The following DDHD2 variants were observed in gnomAD, a reference collection of about 807,000 sequenced individuals.
DDHD2 encodes DDHD domain containing 2, also known as triacylglycerol hydrolase DDHD2.
Under a neutral mutation model 91.2 loss-of-function variants are expected in DDHD2, and 62 were observed. The ratio of observed to expected loss-of-function variants is 0.68; its 90% CI spans 0.55 to 0.84. The LOEUF is 0.84. DDHD2 is among the 40% of genes least tolerant of loss of function. DDHD2 has a pLI of 0.00. For synonymous variants in DDHD2, 271 were observed against 293.9 expected (o/e 0.92, Z 0.80); for missense variants, 740 against 846.9 (o/e 0.87, Z 1.57).
intron 1 of DDHD2, 111 bp from the exon 2 acceptor site, chr8:38,232,876 G>T: frequency 1.5e-6 from 1 of 663,082 alleles, no homozygotes; most frequent in Non-Finnish European, 2.6e-6. Context: ...AGATTTTGTT[G>T]TTGTTGTTGT....
rs1432676143 is a variant in DDHD2 at position 38,252,292 on chromosome 8, G to A, written c.1617+5G>A. On this transcript the variant is annotated splice_donor_5th_base_variant and intron_variant, in intron 13 of 17. Transcript: ENST00000397166. ...TTCTTCAATATTTATCACCCTGTAA[G>A]CATTGTACAGCTATTGTGGTTTTAC... 6.2e-7 allele frequency: 1 copy of A among 1,606,036 alleles called. No individual in the cohort carries two copies. Among genetic ancestry groups the A allele is most frequent in the African/African-American group, 1.3e-5 (1 of 74,632 alleles).
In DDHD2 at chr8:38,261,243, G is replaced by T. The variant is rs1771659905; in HGVS notation, c.*670G>T. On this transcript the variant is annotated 3_prime_UTR_variant, in exon 18 of 18. Coordinates refer to ENST00000397166, the MANE Select transcript of DDHD2 (RefSeq NM_015214.3). ...CATTGTTTTTGCAACTGTTTGAGCT[G>T]CTGTAAGAGTCTAAAGTTGACAAGT... 6.6e-6 allele frequency: 1 copy of T among 152,166 alleles called. No individual in the cohort carries two copies. Among genetic ancestry groups the T allele is most frequent in the African/African-American group, 2.4e-5 (1 of 41,452 alleles). 9.4% of individuals were successfully genotyped at this position (152,166 alleles called of 1,614,324 possible). A position where few individuals can be genotyped will look rare whatever the true frequency, so the allele number is the denominator to read the frequency against.
chr8:38,264,436 T>C, downstream of DDHD2: 1 of 1,542,944 alleles, frequency 6.5e-7, no homozygotes, highest in African/African-American at 1.4e-5. Context: ...CCCGGCCAGA[T>C]TCAATTTTTA....
chr8:38,243,106 A>G (rs1006986019), intron 7 of DDHD2, among the ~76,000 whole-genome samples: 4 of 152,184 alleles, frequency 2.6e-5, no homozygotes, highest in Non-Finnish European at 5.9e-5. Context: ...CTGTTTGCCA[A>G]ACACTGTGGT....
At chr8:38,253,448 C>CA in intron 15 of DDHD2, 108 bp from the exon 16 acceptor site, 1 of 975,746 alleles carries the variant, frequency 1.0e-6, no homozygotes, top group Non-Finnish European at 1.5e-6. Flanking sequence ...GCTCTCTGAA[C>CA]AGAGAGTAGC....
chr8:38,238,166 T>C lies in DDHD2; in HGVS notation c.579T>C (p.Thr193=). 3.7e-6 allele frequency: 6 copies of C among 1,614,122 alleles called. No homozygotes were observed. The highest frequency in any genetic ancestry group is 5.1e-6 in the Non-Finnish European group (6 of 1,179,978). The change falls in exon 5 of 18, where the codon ACT becomes ACC. Residue 193 remains threonine, a synonymous_variant. Coordinates refer to ENST00000397166, the MANE Select transcript of DDHD2 (RefSeq NM_015214.3). ...STPTEQGRPR[T]VKRGVENISV... is the part of the protein sequence containing the mutation. Reference sequence around the variant, plus strand: ...CCACGGAGCAGGGTCGACCAAGAACTGTGAAGAGAGGAGTTGAGAACATCT... The same window carrying C: ...CCACGGAGCAGGGTCGACCAAGAACCGTGAAGAGAGGAGTTGAGAACATCT...
intron 9 of DDHD2, 102 bp downstream of exon 9, chr8:38,246,402 A>T: frequency 1.3e-6 from 1 of 765,692 alleles, no homozygotes; most frequent in South Asian, 1.7e-5. Context: ...GTTTCATGTC[A>T]TGACATTACA....
downstream of DDHD2, chr8:38,266,072 T>C (rs1179839871): frequency 4.8e-6 from 7 of 1,449,460 alleles, no homozygotes; most frequent in Non-Finnish European, 6.6e-6. Context: ...AAGCATCTCC[T>C]CTGTGCTAGG....
chr8:38,252,318 C>G, intron 13 of DDHD2, 31 bp downstream of exon 13: 1 of 1,574,390 alleles, frequency 6.4e-7, no homozygotes, highest in Non-Finnish European at 8.6e-7. Context: ...GTGGTTTTAC[C>G]TAAATATCAG....
chr8:38,232,494 T>C (rs1804356024), intron 1 of DDHD2, among the ~76,000 whole-genome samples: 1 of 152,260 alleles, frequency 6.6e-6, no homozygotes, highest in Non-Finnish European at 1.5e-5. Flanking sequence ...CCATCAAAAA[T>C]GATTGGTTCC....
chr8:38,245,858 C>A lies in DDHD2; in HGVS notation c.965C>A (p.Thr322Lys). 1 of 1,614,138 alleles carries A rather than the reference C, an allele frequency of 6.2e-7. No individual in the cohort carries two copies. Among genetic ancestry groups the A allele is most frequent in the Non-Finnish European group, 8.5e-7 (1 of 1,180,004 alleles). The change falls in exon 8 of 18, where the codon ACA becomes AAA. Residue 322 changes from threonine to lysine, a missense_variant. Thr to Lys is a moderately conservative substitution (Grantham distance 78, BLOSUM62 -1). Coordinates refer to ENST00000397166, the MANE Select transcript of DDHD2 (RefSeq NM_015214.3). The part of the protein sequence containing the change: ...SPTYCQTIVD[T>K]VASEMNRIYT... Reference sequence around the variant, plus strand: ...ACCTACTGTCAGACTATTGTGGACACAGTTGCTTCTGAAATGAACCGAATA... The same window carrying A: ...ACCTACTGTCAGACTATTGTGGACAAAGTTGCTTCTGAAATGAACCGAATA...
chr8:38,251,720 G>C (rs1192575763), intron 11 of DDHD2, 192 bp from the exon 12 acceptor site: 1 of 509,230 alleles, frequency 2.0e-6, no homozygotes, highest in Admixed American at 3.5e-5. Flanking sequence ...ATAATCCTTT[G>C]GCTATACTTT....
chr8:38,263,238 G>T, downstream of DDHD2: 1 of 204,250 alleles, frequency 4.9e-6, no homozygotes, highest in Non-Finnish European at 8.6e-6. Flanking sequence ...TAAAGAGAAA[G>T]GGAGCTGTAG....
chr8:38,268,012 G>A, intron 1 of DDHD2: 2 of 1,613,498 alleles, frequency 1.2e-6, no homozygotes, highest in Non-Finnish European at 1.7e-6. Flanking sequence ...GAAAGGTATG[G>A]TCATGGCCTC....
At chr8:38,241,443 A>G (rs1207770321) in intron 6 of DDHD2, among the ~76,000 whole-genome samples, 1 of 151,332 alleles carries the variant, frequency 6.6e-6, no homozygotes, top group Admixed American at 6.6e-5. Context: ...TTCCTGAGAC[A>G]AGAGCTTTGC....
chr8:38,267,333 T>A, downstream of DDHD2: 2 of 1,613,972 alleles, frequency 1.2e-6, no homozygotes, highest in Non-Finnish European at 1.7e-6. Context: ...CCTGTACACA[T>A]CAAGTCAGAA....
At position 38,233,243 on chromosome 8, in the gene DDHD2, C is replaced by T. The variant is rs112920396; in HGVS notation, c.220+29C>T. ...GGTGAAAATTATGACTTGGAATAGA[C>T]AAAGACTCTCCCCTCTTCAAACTAT... is the stretch of plus-strand genomic sequence containing the variant. On this transcript the variant is annotated intron_variant, in intron 2 of 17. Coordinates refer to ENST00000397166, the MANE Select transcript of DDHD2 (RefSeq NM_015214.3). 6.5e-6 allele frequency: 10 copies of T among 1,536,882 alleles called. 1 individual carries two copies. The highest frequency in any genetic ancestry group is 4.1e-5 in the African/African-American group (3 of 73,110).
At position 38,267,925 on chromosome 8, in the gene DDHD2, T is replaced by TA. The variant is rs752263409; in HGVS notation, n.88-3194dup. The TA allele has an allele frequency of 1.2e-5, 19 of 1,613,958 alleles. No homozygotes were observed. The South Asian group carries it at 2.1e-4, about 18-fold the overall frequency. ...CCTACGATCAGTTTTATTGTGTTGG[T>TA]AAAGACGCCATTCAGAGCCAGGGCA... is the stretch of plus-strand genomic sequence containing the variant. On this transcript the variant is annotated intron_variant and non_coding_transcript_variant, in intron 1 of 1. Transcript: ENST00000526071.
rs926170577 is a variant in DDHD2 at position 38,234,856 on chromosome 8, C to T, written c.411+272C>T. On this transcript the variant is annotated intron_variant, in intron 3 of 17. Transcript: ENST00000397166. ...GATCTTGGCTCACTGCAACCTCCACCTCCCCGGTTCAAGTGATTCTCATGC... is the reference window on the plus strand; with the variant it reads ...GATCTTGGCTCACTGCAACCTCCACTTCCCCGGTTCAAGTGATTCTCATGC... 1.6e-4 allele frequency among the ~76,000 whole-genome samples: 25 copies of T among 152,054 alleles called. 1 individual carries two copies. Among genetic ancestry groups the T allele is most frequent in the Middle Eastern group, 6.8e-3 (2 of 294 alleles).
Sources: allele counts gnomAD v4.1 joint callset (sites outside exome capture counted in the v4.1 genomes callset), GRCh38; gene constraint gnomAD v4.1.1; transcripts MANE v1.5; gene names NCBI Gene and HGNC (gene_info 2026-07-23, HGNC 2026-07-21).